The following MTG1 variants were observed in gnomAD, a reference collection of about 807,000 sequenced individuals.
MTG1 encodes mitochondrial ribosome-associated GTPase 1.
Under a neutral mutation model 39.5 loss-of-function variants are expected in MTG1, and 30 were observed. The ratio of observed to expected loss-of-function variants is 0.76; its 90% CI spans 0.57 to 1.03. MTG1 has a LOEUF of 1.03. Among genes scored for constraint, MTG1 ranks in the 50% least tolerant of loss-of-function variants. The pLI, the probability that MTG1 is intolerant of heterozygous loss-of-function variation, is 0.00. For synonymous variants in MTG1, 217 were observed against 179.0 expected, an observed-to-expected ratio of 1.21 and a Z score of -1.69; for missense variants, 513 against 447.4, an observed-to-expected ratio of 1.15 and a Z score of -1.32.
chr10:133,398,496 A>C lies in MTG1; in HGVS notation c.344A>C (p.Lys115Thr). 1 of 1,613,828 alleles carries C rather than the reference A, an allele frequency of 6.2e-7. No individual in the cohort carries two copies. The highest frequency in any genetic ancestry group is 1.3e-5 in the African/African-American group (1 of 75,042). ...AATGTCATTTTTACCAACTGTGTAA[A>C]GGATGAAAATGTCAAGCAGGTAGGC... Reference protein sequence around the residue: ...LKNVIFTNCVKDENVKQIIPM... With the variant: ...LKNVIFTNCVTDENVKQIIPM... The change falls in exon 4 of 11, where the codon AAG becomes ACG. Residue 115 changes from lysine to threonine, a missense_variant. Transcript: ENST00000317502.
Position 133,395,740 on chromosome 10 carries a change from A to AGG in MTG1, c.141_142insGG (p.Leu48GlyfsTer54), listed in dbSNP as rs1564817625. On this transcript the variant is annotated frameshift_variant, in exon 2 of 11. Transcript: ENST00000317502. LOFTEE classifies it high-confidence loss of function. ...CTGAAGAAGATGCAGAGCAGCCTGA[A>AGG]GCTGGTGGACTGTATCATCGAGGTC... 1 of 1,614,146 alleles carries AGG rather than the reference A, an allele frequency of 6.2e-7. No individual in the cohort carries two copies. The highest frequency in any genetic ancestry group is 8.5e-7 in the Non-Finnish European group (1 of 1,180,026).
Position 133,395,786 on chromosome 10 carries a change from T to C in MTG1, c.177+9T>C. On this transcript the variant is annotated intron_variant, in intron 2 of 10. Coordinates refer to ENST00000317502, the MANE Select transcript of MTG1 (RefSeq NM_138384.4). ...AGGTCCACGATGCCCGGATATCCTT[T>C]CACAGAGCAGGGGAGGCCCCTCTGC... The C allele has an allele frequency of 6.2e-7, 1 of 1,613,866 alleles. No homozygotes were observed. The highest frequency in any genetic ancestry group is 8.5e-7 in the Non-Finnish European group (1 of 1,179,844).
intron 3 of MTG1, among the ~76,000 whole-genome samples, chr10:133,397,525 C>A (rs34032255): frequency 0.2 from 30,686 of 150,504 alleles, 3,545 homozygotes; most frequent in East Asian, 0.34. Context: ...GTCGCCCAGG[C>A]TGGAGTGCAG....
intron 9 of MTG1, among the ~76,000 whole-genome samples, chr10:133,417,856 T>C (rs1850156032): frequency 6.6e-6 from 1 of 152,078 alleles, no homozygotes; most frequent in Admixed American, 6.6e-5. Flanking sequence ...TACAAACCAC[T>C]GCTCAATGAA....
intron 9 of MTG1, among the ~76,000 whole-genome samples, chr10:133,412,875 AATT>A (rs1850067426): frequency 6.6e-6 from 1 of 152,170 alleles, no homozygotes. Context: ...TTGTACTACC[AATT>A]ATTGTGAGAG....
rs77097008 is a variant in MTG1 at position 133,420,089 on chromosome 10, G to T, written c.929G>T (p.Arg310Leu). ...GCCCGTGACTTCCTGCAGACTTTCC[G>T]CCGTGGGCTGCTGGGTTCCGTGATG... ...AAARDFLQTF[R>L]RGLLGSVMLD... The change falls in exon 11 of 11, where the codon CGC becomes CTC. Residue 310 changes from arginine to leucine, a missense_variant. By Grantham distance (102) the Arg-to-Leu change is moderately radical. Transcript: ENST00000317502. 1 of 1,613,456 alleles carries T rather than the reference G, an allele frequency of 6.2e-7. No homozygotes were observed.
intron 6 of MTG1, among the ~76,000 whole-genome samples, chr10:133,400,991 A>G (rs1015141430): frequency 2.0e-5 from 3 of 152,156 alleles, no homozygotes; most frequent in African/African-American, 4.8e-5. Context: ...ATTCATCTGG[A>G]TGGACACTTG....
At chr10:133,396,528 C>A (rs765243477) in intron 3 of MTG1, among the ~76,000 whole-genome samples, 1 of 152,158 alleles carries the variant, frequency 6.6e-6, no homozygotes, top group Non-Finnish European at 1.5e-5. Context: ...TGCCAGAGCC[C>A]GAGTGGTCAG....
At chr10:133,394,574 C>A in intron 1 of MTG1, 1 of 1,326,980 alleles carries the variant, frequency 7.5e-7, no homozygotes. Context: ...GCCTCGGACC[C>A]AGGGCCTGCT....
rs1849742235 is a variant in MTG1, at chr10:133,394,169, C to T, written c.-52C>T. On this transcript the variant is annotated 5_prime_UTR_variant, in exon 1 of 11. Transcript: ENST00000317502. ...GCGCCGGAACCTCAGAGGCGGGTCG[C>T]AGCGGCGCAGAGGAGGTCAGCTGCG... is the stretch of plus-strand genomic sequence containing the variant. The T allele has an allele frequency of 2.2e-5, 30 of 1,388,808 alleles. No individual in the cohort carries two copies. The highest frequency in any genetic ancestry group is 1.3e-4 in the South Asian group (10 of 76,318). The allele number at this position is 1,388,808 out of a possible 1,614,324, so 86.0% of individuals were successfully genotyped here.
intron 9 of MTG1, among the ~76,000 whole-genome samples, chr10:133,410,189 C>T (rs1353705727): frequency 3.9e-5 from 6 of 152,174 alleles, no homozygotes; most frequent in South Asian, 2.1e-4. Flanking sequence ...GGACTACAGG[C>T]GTGTGCCACC....
chr10:133,416,668 C>T (rs1454683582), intron 9 of MTG1, among the ~76,000 whole-genome samples: 1 of 145,336 alleles, frequency 6.9e-6, no homozygotes. Flanking sequence ...GTTTTTTGTT[C>T]TTGCGATAGT....
chr10:133,403,649 C>T (rs575255855), intron 9 of MTG1, among the ~76,000 whole-genome samples: 46 of 152,308 alleles, frequency 3.0e-4, no homozygotes, highest in Admixed American at 2.6e-3. Flanking sequence ...TGTCCAGGTG[C>T]GCTGCAGTCT....
At chr10:133,413,934 T>C (rs186858086) in intron 9 of MTG1, among the ~76,000 whole-genome samples, 11 of 150,912 alleles carry the variant, frequency 7.3e-5, no homozygotes, top group Non-Finnish European at 1.3e-4. Context: ...TTTTTTTTTT[T>C]ATTGATCATT....
chr10:133,394,997 C>A (rs544420747), intron 1 of MTG1, among the ~76,000 whole-genome samples: 1 of 152,156 alleles, frequency 6.6e-6, no homozygotes, highest in African/African-American at 2.4e-5. Context: ...GCTTTGTTAT[C>A]TTGGTTGTGT....
Position 133,395,740 on chromosome 10 carries a change from A to C in MTG1, c.140A>C (p.Lys47Thr), listed in dbSNP as rs200625009. The C allele has an allele frequency of 3.0e-5, 48 of 1,614,028 alleles. No homozygotes were observed. The highest frequency in any genetic ancestry group is 3.8e-5 in the Non-Finnish European group (45 of 1,180,034). Residue 47 changes from lysine (K) to threonine (T), a missense_variant, in exon 2 of 11, where the codon AAG becomes ACG. Physicochemically the swap from Lys to Thr is moderately conservative, Grantham distance 78. Coordinates refer to ENST00000317502, the MANE Select transcript of MTG1 (RefSeq NM_138384.4). The stretch of plus-strand genomic sequence containing the variant: ...CTGAAGAAGATGCAGAGCAGCCTGA[A>C]GCTGGTGGACTGTATCATCGAGGTC... ...KGLKKMQSSLKLVDCIIEVHD... is the reference protein window; with the variant it reads ...KGLKKMQSSLTLVDCIIEVHD...
intron 3 of MTG1, 141 bp from the exon 4 acceptor site, chr10:133,398,294 G>A (rs551915939): frequency 2.8e-6 from 2 of 725,824 alleles, no homozygotes; most frequent in South Asian, 3.6e-5. Flanking sequence ...CTGCTACTTG[G>A]GAGGCTGAGG....
rs1849885400 is a variant in MTG1 at position 133,402,047 on chromosome 10, C to T, written c.574-102C>T. ...CATGGGGTTGGGTCCCTGAGGCCTT[C>T]CTCGGAGCATTGGGTGCCAGGGGCT... On this transcript the variant is annotated intron_variant, in intron 7 of 10. Transcript: ENST00000317502. The surrounding 1 kb of genome is among the most constrained non-coding windows in gnomAD (Gnocchi z 4.7). 4.2e-6 allele frequency: 6 copies of T among 1,437,632 alleles called. No individual in the cohort carries two copies. Among genetic ancestry groups the T allele is most frequent in the Non-Finnish European group, 5.8e-6 (6 of 1,032,162 alleles). The allele number at this position is 1,437,632 out of a possible 1,614,324, so 89.1% of individuals were successfully genotyped here. A position where few individuals can be genotyped will look rare whatever the true frequency, so the allele number is the denominator to read the frequency against.
intron 9 of MTG1, among the ~76,000 whole-genome samples, chr10:133,405,253 CT>C (rs1410953396): frequency 6.6e-6 from 1 of 152,132 alleles, no homozygotes; most frequent in Non-Finnish European, 1.5e-5. Context: ...CTTTTTTAAA[CT>C]TTTAATGCTA....
Sources: gnomAD v4.1 joint callset for allele counts (sites outside exome capture counted in the v4.1 genomes callset) on GRCh38, gnomAD v4.1.1 for gene constraint, Gnocchi (gnomAD v3.1) non-coding constraint, MANE v1.5 for transcripts, NCBI Gene and HGNC (gene_info 2026-07-23, HGNC 2026-07-21) for gene names.